Variants in INTS6 observed in about 807,000 individuals in gnomAD.
The protein encoded by INTS6 is DEAD box protein.
In INTS6, 16 loss-of-function variants were observed where a neutral mutation model predicts 104.9. The observed-to-expected ratio is 0.15, with a 90% CI of 0.10 to 0.23. INTS6 has a LOEUF of 0.23. Ranked by LOEUF, INTS6 falls within the 10% of genes least tolerant of loss-of-function variation. The probability of loss-of-function intolerance (pLI) is 1.00; values close to 1 mark genes in which losing one functional copy is unlikely to be tolerated. For missense variants in INTS6, 584 were observed against 1,062.8 expected (o/e 0.55, Z 6.26); for synonymous variants, 324 against 358.7 (o/e 0.90, Z 1.09).
Position 51,369,189 on chromosome 13 carries a change from G to A in INTS6, c.2226C>T (p.Ala742=), listed in dbSNP as rs1321904242. 1 of 1,613,722 alleles carries A rather than the reference G, an allele frequency of 6.2e-7. No homozygotes were observed. The highest frequency in any genetic ancestry group is 1.3e-5 in the African/African-American group (1 of 74,888). Residue 742 remains alanine, a synonymous_variant, in exon 16 of 18, where the codon GCC becomes GCT. Coordinates refer to ENST00000311234, the MANE Select transcript of INTS6 (RefSeq NM_012141.3). ...GATTGGTTGGCCGTTCCAGTAAACT[G>A]GCTGGAGAAGATGCTGAAAATTCCG... ...MDTEFSASSP[A]SLLERPTNHM...
rs116164609 is a variant in INTS6, at chr13:51,434,560, C to T, written c.340-4177G>A. Among the ~76,000 whole-genome samples the T allele has an allele frequency of 3.4e-3, 517 of 152,134 alleles. 3 individuals are homozygous for T. The highest frequency in any genetic ancestry group is 0.012 in the African/African-American group (490 of 41,538). ...TAAGAAAAGCAATAATCAGTTACTACAAAAATTAGAATAATGATTAAGTTA... is the reference window on the plus strand; with the variant it reads ...TAAGAAAAGCAATAATCAGTTACTATAAAAATTAGAATAATGATTAAGTTA... On this transcript the variant is annotated intron_variant, in intron 3 of 17. Coordinates refer to ENST00000311234, the MANE Select transcript of INTS6 (RefSeq NM_012141.3).
chr13:51,394,130 C>T (rs1052849395), intron 5 of INTS6, among the ~76,000 whole-genome samples: 7 of 151,670 alleles, frequency 4.6e-5, no homozygotes, highest in South Asian at 2.1e-4. Context: ...GAAAAAAATA[C>T]GACTGTCACT....
chr13:51,359,303 A>C (rs1955525765), downstream of INTS6, among the ~76,000 whole-genome samples: 1 of 152,088 alleles, frequency 6.6e-6, no homozygotes, highest in African/African-American at 2.4e-5. Context: ...AAGTGGGAGG[A>C]AAAATGCAAA....
chr13:51,389,479 G>GA, intron 5 of INTS6, 35 bp from the exon 6 acceptor site: 2 of 1,467,648 alleles, frequency 1.4e-6, no homozygotes, highest in South Asian at 2.6e-5. Flanking sequence ...AGAAGAAGAA[G>GA]AATATAGTAA....
chr13:51,433,427 G>A (rs955290789), intron 3 of INTS6, among the ~76,000 whole-genome samples: 11 of 152,182 alleles, frequency 7.2e-5, no homozygotes, highest in Non-Finnish European at 1.0e-4. Flanking sequence ...CAGCCTGGGC[G>A]ACAGAGTGAG....
chr13:51,428,026 A>C (rs1957014881), intron 4 of INTS6, among the ~76,000 whole-genome samples: 1 of 152,236 alleles, frequency 6.6e-6, no homozygotes, highest in Admixed American at 6.5e-5. Flanking sequence ...TCCACAAAAC[A>C]AATTTTACAA....
intron 5 of INTS6, among the ~76,000 whole-genome samples, chr13:51,393,736 G>C (rs753754628): frequency 1.3e-5 from 2 of 152,164 alleles, no homozygotes; most frequent in Non-Finnish European, 2.9e-5. Context: ...AACTTCTCTA[G>C]AGATGTTCCT....
In INTS6 at chr13:51,383,718, T is replaced by C. The variant is rs775549056; in HGVS notation, c.918A>G (p.Val306=). The C allele has an allele frequency of 2.5e-6, 4 of 1,613,254 alleles. No individual in the cohort carries two copies. The East Asian group carries it at 6.7e-5, about 27-fold the overall frequency. ...PTLPPRTSHP[V]VKFSCTDCEP... ...CACAGTCTGTACAGGAAAACTTCACTACAGGATGAGATGTACGAGGTGGCT... is the reference window on the plus strand; with the variant it reads ...CACAGTCTGTACAGGAAAACTTCACCACAGGATGAGATGTACGAGGTGGCT... Residue 306 remains valine, a synonymous_variant, in exon 8 of 18, where the codon GTA becomes GTG. Transcript: ENST00000311234.
Position 51,433,816 on chromosome 13 carries a change from C to T in INTS6, c.340-3433G>A, listed in dbSNP as rs1228061901. ...CAAAATACTCTCCACAGAGGATACC[C>T]TTAAACGGGCCTGAAATTACTATAA... On this transcript the variant is annotated intron_variant, in intron 3 of 17. Coordinates refer to ENST00000311234, the MANE Select transcript of INTS6 (RefSeq NM_012141.3). 2.0e-5 allele frequency among the ~76,000 whole-genome samples: 3 copies of T among 152,286 alleles called. No homozygotes were observed. In the East Asian group the frequency reaches 5.8e-4, roughly 29 times the overall value.
At chr13:51,336,355 C>A in the INTS6 span, among the ~76,000 whole-genome samples, 1 of 152,098 alleles carries the variant, frequency 6.6e-6, no homozygotes, top group South Asian at 2.1e-4. Flanking sequence ...GGCATGGTGG[C>A]AGCCCTCTGT....
intron 4 of INTS6, among the ~76,000 whole-genome samples, chr13:51,400,482 T>C (rs1956416797): frequency 6.6e-6 from 1 of 152,230 alleles, no homozygotes; most frequent in Non-Finnish European, 1.5e-5. Context: ...AAATTGAGTT[T>C]GGAGTATGGT....
the INTS6 span, among the ~76,000 whole-genome samples, chr13:51,339,934 A>AAG: frequency 7.3e-5 from 11 of 151,168 alleles, no homozygotes; most frequent in South Asian, 4.2e-4. Flanking sequence ...CATAGAAAGA[A>AAG]AGAGAGAGAG....
chr13:51,387,079 C>T (rs1956153216), intron 7 of INTS6, among the ~76,000 whole-genome samples: 1 of 151,966 alleles, frequency 6.6e-6, no homozygotes, highest in African/African-American at 2.4e-5. Flanking sequence ...AAATTGTGTC[C>T]CAGAGACAAA....
At chr13:51,446,833 T>C (rs1952929847) in intron 3 of INTS6, 1 of 152,218 alleles carries the variant, frequency 6.6e-6, no homozygotes, top group African/African-American at 2.4e-5. Context: ...TTCACTTAAC[T>C]GTGATATCCA....
intron 3 of INTS6, among the ~76,000 whole-genome samples, chr13:51,356,448 G>A (rs568104880): frequency 3.9e-5 from 6 of 152,318 alleles, no homozygotes; most frequent in Non-Finnish European, 8.8e-5. Context: ...TGCAACTCCA[G>A]AGCTCAGCCA....
In INTS6 at chr13:51,361,656, T is replaced by C; in HGVS notation, c.*4096A>G. ...TTGGCTAAATGGCATCTTTTCTCTTTAATTTTCCCATCTGCACCCCCATCA... is the reference window on the plus strand; with the variant it reads ...TTGGCTAAATGGCATCTTTTCTCTTCAATTTTCCCATCTGCACCCCCATCA... On this transcript the variant is annotated 3_prime_UTR_variant, in exon 18 of 18. Coordinates refer to ENST00000311234, the MANE Select transcript of INTS6 (RefSeq NM_012141.3). The C allele has an allele frequency of 1.5e-6, 1 of 661,452 alleles. No homozygotes were observed. The highest frequency in any genetic ancestry group is 2.5e-6 in the Non-Finnish European group (1 of 402,228). 41.0% of individuals were successfully genotyped at this position (661,452 alleles called of 1,614,324 possible).
intron 4 of INTS6, among the ~76,000 whole-genome samples, chr13:51,395,839 T>C (rs1370945818): frequency 1.3e-5 from 2 of 152,096 alleles, no homozygotes; most frequent in Non-Finnish European, 2.9e-5. Flanking sequence ...CTTTTCTTTT[T>C]GAGGTTGCAG....
rs767406432 is a variant in INTS6, at chr13:51,430,259, A to G, written c.429+35T>C. The G allele has an allele frequency of 4.5e-6, 7 of 1,548,218 alleles. No individual in the cohort carries two copies. The East Asian group carries it at 1.3e-4, about 30-fold the overall frequency. ...CAAAAATAAAGGATTGTTCAACTGC[A>G]TTTGCATAATCCATGTAATATAAGC... On this transcript the variant is annotated intron_variant, in intron 4 of 17. Transcript: ENST00000311234.
intron 5 of INTS6, among the ~76,000 whole-genome samples, chr13:51,392,726 C>A (rs1418434687): frequency 6.6e-6 from 1 of 152,174 alleles, no homozygotes; most frequent in African/African-American, 2.4e-5. Flanking sequence ...TAGCACCCTA[C>A]TATCTACTAC....
Sources: gnomAD v4.1 joint callset for allele counts (sites outside exome capture counted in the v4.1 genomes callset) on GRCh38, gnomAD v4.1.1 for gene constraint, MANE v1.5 for transcripts, NCBI Gene and HGNC (gene_info 2026-07-23, HGNC 2026-07-21) for gene names.